The following KCNH7 variants were observed in gnomAD, a reference collection of about 807,000 sequenced individuals.
The protein encoded by KCNH7 is voltage-gated inwardly rectifying potassium channel KCNH7.
KCNH7 carries 49 observed loss-of-function variants against 120.8 expected under a neutral mutation model. That is an observed-to-expected ratio of 0.41 (90% CI 0.32 to 0.51). The LOEUF is 0.51. KCNH7 is among the 20% of genes least tolerant of loss of function. The pLI is 0.38. For missense variants in KCNH7, 1,097 were observed against 1,446.6 expected, an observed-to-expected ratio of 0.76 and a Z score of 3.92; for synonymous variants, 547 against 516.1, an observed-to-expected ratio of 1.06 and a Z score of -0.81.
At chr2:162,806,988 G>A (rs13408939) in intron 2 of KCNH7, among the ~76,000 whole-genome samples, 5,288 of 151,652 alleles carry the variant, frequency 0.035, 284 homozygotes, top group African/African-American at 0.12. Context: ...TCCAACAATA[G>A]AAATAGAAAC....
At chr2:162,425,154 A>T (rs1687817838) in intron 8 of KCNH7, among the ~76,000 whole-genome samples, 1 of 152,174 alleles carries the variant, frequency 6.6e-6, no homozygotes, top group African/African-American at 2.4e-5. Context: ...ACTCAGACTG[A>T]AAACACATCA....
At chr2:162,650,061 G>A (rs974747700) in intron 2 of KCNH7, among the ~76,000 whole-genome samples, 1 of 152,108 alleles carries the variant, frequency 6.6e-6, no homozygotes. Context: ...CATATTACAT[G>A]CTATTTAGCT....
intron 2 of KCNH7, among the ~76,000 whole-genome samples, chr2:162,577,928 T>C (rs1693743682): frequency 6.6e-6 from 1 of 152,064 alleles, no homozygotes; most frequent in Non-Finnish European, 1.5e-5. Context: ...GCATTGCTAT[T>C]TCCGTTTTAT....
chr2:162,569,567 G>A (rs1481262029), intron 2 of KCNH7, among the ~76,000 whole-genome samples: 4 of 139,888 alleles, frequency 2.9e-5, no homozygotes, highest in African/African-American at 1.1e-4. Flanking sequence ...CTTGCCTTCT[G>A]CTAGCTTTTG....
intron 2 of KCNH7, among the ~76,000 whole-genome samples, chr2:162,595,062 T>C (rs370915518): frequency 6.6e-6 from 1 of 152,062 alleles, no homozygotes; most frequent in Non-Finnish European, 1.5e-5. Flanking sequence ...AGGAAAGAAG[T>C]TTTATTGACT....
chr2:162,528,429 G>T (rs1691789862), intron 3 of KCNH7: 1 of 151,980 alleles, frequency 6.6e-6, no homozygotes, highest in Non-Finnish European at 1.5e-5. Flanking sequence ...ACCCATGTGG[G>T]TGAGTTAAGA....
intron 2 of KCNH7, among the ~76,000 whole-genome samples, chr2:162,692,124 GT>G (rs71410029): frequency 0.03 from 4,390 of 144,618 alleles, 82 homozygotes; most frequent in Middle Eastern, 0.061. Context: ...ACAACATTGA[GT>G]TTTTTTTTTT....
chr2:162,375,528 A>G (rs1686132983), intron 14 of KCNH7, among the ~76,000 whole-genome samples: 1 of 152,160 alleles, frequency 6.6e-6, no homozygotes, highest in South Asian at 2.1e-4. Context: ...TAGTTGTTAG[A>G]TATCTTGGGT....
chr2:162,422,199 C>T (rs755057272), intron 9 of KCNH7, among the ~76,000 whole-genome samples: 2 of 152,136 alleles, frequency 1.3e-5, no homozygotes, highest in African/African-American at 2.4e-5. Flanking sequence ...ACATCACACA[C>T]AGCTATGATA....
In KCNH7 at chr2:162,837,537, C is replaced by T. The variant is rs113220880; in HGVS notation, c.77-770G>A. On this transcript the variant is annotated intron_variant, in intron 1 of 15. Coordinates refer to ENST00000332142, the MANE Select transcript of KCNH7 (RefSeq NM_033272.4). ...CACATAGATTGTGAAGCAGGATATA[C>T]AAGTTTAGTTTGTACGCAAGGTACC... Among the ~76,000 whole-genome samples, 86 of 152,256 alleles carry T rather than the reference C, an allele frequency of 5.6e-4. 1 individual carries two copies. The highest frequency in any genetic ancestry group is 2.0e-3 in the African/African-American group (83 of 41,544).
chr2:162,834,849 G>A (rs928252365), intron 2 of KCNH7, among the ~76,000 whole-genome samples: 5 of 152,054 alleles, frequency 3.3e-5, no homozygotes, highest in Admixed American at 1.3e-4. Flanking sequence ...CCAGATTAAT[G>A]TCATACTTAA....
At chr2:162,652,643 A>C (rs531353567) in intron 2 of KCNH7, among the ~76,000 whole-genome samples, 1 of 152,276 alleles carries the variant, frequency 6.6e-6, no homozygotes, top group African/African-American at 2.4e-5. Flanking sequence ...ATGGTCGCTC[A>C]TCTACCACTC....
chr2:162,465,139 G>T (rs1256252687), intron 6 of KCNH7, among the ~76,000 whole-genome samples: 1 of 152,034 alleles, frequency 6.6e-6, no homozygotes, highest in East Asian at 1.9e-4. Context: ...ATTTTGTTGT[G>T]GACAGTATTA....
intron 2 of KCNH7, among the ~76,000 whole-genome samples, chr2:162,786,707 T>C (rs186345187): frequency 1.3e-5 from 2 of 152,194 alleles, no homozygotes; most frequent in African/African-American, 4.8e-5. Context: ...ACATGACCTA[T>C]GTTGATTTGG....
chr2:162,752,313 C>T (rs902899189), intron 2 of KCNH7, among the ~76,000 whole-genome samples: 1 of 152,092 alleles, frequency 6.6e-6, no homozygotes, highest in Non-Finnish European at 1.5e-5. Flanking sequence ...AGAAAATAAA[C>T]ATAGCTTTAT....
At chr2:162,729,499 T>C (rs971913861) in intron 2 of KCNH7, among the ~76,000 whole-genome samples, 38 of 152,210 alleles carry the variant, frequency 2.5e-4, no homozygotes, top group Admixed American at 1.6e-3. Context: ...AATTGATATT[T>C]GAAAATTGAT....
At chr2:162,540,604 A>C (rs1043266299) in intron 2 of KCNH7, among the ~76,000 whole-genome samples, 3 of 152,066 alleles carry the variant, frequency 2.0e-5, no homozygotes, top group Non-Finnish European at 2.9e-5. Context: ...CATAGAAGCC[A>C]ATGTAACTAG....
intron 2 of KCNH7, among the ~76,000 whole-genome samples, chr2:162,826,009 T>G (rs1300881467): frequency 6.4e-5 from 6 of 94,462 alleles, no homozygotes; most frequent in African/African-American, 1.8e-4. Flanking sequence ...TTAAATCACT[T>G]TGACAGAGAC....
chr2:162,676,904 C>A (rs1330539260), intron 2 of KCNH7, among the ~76,000 whole-genome samples: 1 of 151,142 alleles, frequency 6.6e-6, no homozygotes, highest in African/African-American at 2.4e-5. Context: ...TATGAGTTTA[C>A]AAGGATATCA....
Sources: allele counts gnomAD v4.1 joint callset (sites outside exome capture counted in the v4.1 genomes callset), GRCh38; gene constraint gnomAD v4.1.1; transcripts MANE v1.5; gene names NCBI Gene and HGNC (gene_info 2026-07-23, HGNC 2026-07-21).